The following ORC1 variants were observed in gnomAD, a reference collection of about 807,000 sequenced individuals.
The protein encoded by ORC1 is origin recognition complex subunit 1, also known as origin recognition complex, subunit 1 homolog.
Under a neutral mutation model 98.9 loss-of-function variants are expected in ORC1, and 61 were observed. The ratio of observed to expected loss-of-function variants is 0.62; its 90% CI spans 0.50 to 0.76. ORC1 has a LOEUF of 0.76. Ranked by LOEUF, ORC1 falls within the 30% of genes least tolerant of loss-of-function variation. The pLI, the probability that ORC1 is intolerant of heterozygous loss-of-function variation, is 0.00. For synonymous variants in ORC1, 385 were observed against 406.9 expected, an observed-to-expected ratio of 0.95 and a Z score of 0.65; for missense variants, 979 against 1,072.2, an observed-to-expected ratio of 0.91 and a Z score of 1.21.
At chr1:52,395,326 C>T (rs931272821) in intron 5 of ORC1, among the ~76,000 whole-genome samples, 13 of 151,748 alleles carry the variant, frequency 8.6e-5, no homozygotes, top group Non-Finnish European at 1.3e-4. Flanking sequence ...TTTTCCAAAA[C>T]GAAACATAGG....
chr1:52,385,288 A>G (rs1172252374), intron 9 of ORC1, 26 bp from the exon 10 acceptor site: 1 of 1,444,260 alleles, frequency 6.9e-7, no homozygotes. Flanking sequence ...AACGGGAGAA[A>G]AGGAAGACTT....
intron 6 of ORC1, among the ~76,000 whole-genome samples, chr1:52,391,648 C>T (rs1569938938): frequency 6.6e-6 from 1 of 152,112 alleles, no homozygotes; most frequent in African/African-American, 2.4e-5. Flanking sequence ...CCTATAATCC[C>T]AGCACTCTGG....
At chr1:52,382,079 C>T (rs866141797) in intron 13 of ORC1, among the ~76,000 whole-genome samples, 26 of 151,680 alleles carry the variant, frequency 1.7e-4, no homozygotes, top group Middle Eastern at 3.2e-3. Context: ...CCTGGGTTCA[C>T]GTCATTCTCC....
Position 52,373,372 on chromosome 1 carries a change from AT to A in ORC1, c.2394del (p.Tyr799IlefsTer60), listed in dbSNP as rs1646959121. 1.9e-6 allele frequency: 3 copies of A among 1,613,316 alleles called. No individual in the cohort carries two copies. The South Asian group carries it at 3.3e-5, about 18-fold the overall frequency. Reference protein sequence around the residue: ...SGLEEATFQQIYSQHVALCRM... With the variant: ...SGLEEATFQQXYSQHVALCRM... The stretch of plus-strand genomic sequence containing the variant: ...CTGCACAGTGCCACATGTTGACTAT[AT>A]ATCTAGACACAAATAGCAAGGCAAA... On this transcript the variant is annotated frameshift_variant and splice_region_variant, in exon 17 of 17. Transcript: ENST00000371568. LOFTEE classifies it high-confidence loss of function.
At position 52,396,072 on chromosome 1, in the gene ORC1, C is replaced by G; in HGVS notation, c.695G>C (p.Arg232Thr). 1 of 1,614,166 alleles carries G rather than the reference C, an allele frequency of 6.2e-7. No homozygotes were observed. The highest frequency in any genetic ancestry group is 8.5e-7 in the Non-Finnish European group (1 of 1,180,036). ...RQTPTHPLTPRARKRLELGNL... is the reference protein window; with the variant it reads ...RQTPTHPLTPTARKRLELGNL... ...GCCAAGCTCCAGCCTCTTTCTGGCT[C>G]TTGGGGTAAGAGGATGGGTAGGAGT... Residue 232 changes from arginine (R) to threonine (T), a missense_variant, in exon 5 of 17, where the codon AGA becomes ACA. By Grantham distance (71) the Arg-to-Thr change is moderately conservative. Coordinates refer to ENST00000371568, the MANE Select transcript of ORC1 (RefSeq NM_004153.4).
chr1:52,397,911 A>C (rs1264809263), intron 3 of ORC1, 48 bp from the exon 4 acceptor site: 3 of 1,530,394 alleles, frequency 2.0e-6, no homozygotes, highest in Middle Eastern at 1.7e-4. Flanking sequence ...ACTCAAGGAC[A>C]CTTTACTGAG....
chr1:52,381,603 G>C lies in ORC1; in HGVS notation c.2133+39C>G, dbSNP rs777624108. The stretch of plus-strand genomic sequence containing the variant: ...TCATACCCAGCAGGTACTCAGCAAA[G>C]ATGTGCTGACTGATTTATGGGTGCA... On this transcript the variant is annotated intron_variant, in intron 14 of 16. Coordinates refer to ENST00000371568, the MANE Select transcript of ORC1 (RefSeq NM_004153.4). The C allele has an allele frequency of 2.0e-5, 32 of 1,607,166 alleles. No individual in the cohort carries two copies. In the South Asian group the frequency reaches 3.3e-4, roughly 17 times the overall value.
chr1:52,374,094 T>C (rs890708701), intron 16 of ORC1, among the ~76,000 whole-genome samples: 4 of 152,200 alleles, frequency 2.6e-5, no homozygotes, highest in African/African-American at 9.7e-5. Flanking sequence ...TCACAGTTAA[T>C]GGCACACTGC....
chr1:52,408,548 T>A (rs776322134), upstream of ORC1: 4 of 1,614,012 alleles, frequency 2.5e-6, no homozygotes, highest in Non-Finnish European at 1.7e-6. Flanking sequence ...GCCTGTTGTT[T>A]CACTGTCATC....
intron 9 of ORC1, 62 bp downstream of exon 9, chr1:52,385,790 T>C: frequency 1.8e-6 from 2 of 1,095,956 alleles, no homozygotes; most frequent in South Asian, 1.3e-5. Context: ...TAATTTTATG[T>C]GAATGAAAGC....
rs1557577720 is a variant in ORC1, at chr1:52,388,613, G to A, written c.1212C>T (p.Asp404=). Residue 404 remains aspartate, a synonymous_variant, in exon 8 of 17, where the codon GAC becomes GAT. Coordinates refer to ENST00000371568, the MANE Select transcript of ORC1 (RefSeq NM_004153.4). ...CTGGCAGAATCTCTTTCTCTTCTTG[G>A]TCACTTTTACTATTACCTAGAAACC... is the stretch of plus-strand genomic sequence containing the variant. ...QLRFLGNSKS[D]QEEKEILPAA... is the part of the protein sequence containing the mutation. 6.2e-7 allele frequency: 1 copy of A among 1,613,868 alleles called. No individual in the cohort carries two copies. The highest frequency in any genetic ancestry group is 8.5e-7 in the Non-Finnish European group (1 of 1,179,978).
At chr1:52,408,530 C>G (rs184307430), upstream of ORC1, 889 of 1,613,458 alleles carry the variant, frequency 5.5e-4, 2 homozygotes, top group Middle Eastern at 6.4e-3. Flanking sequence ...TCAGGAACTT[C>G]TAGGATGGCC....
Position 52,388,493 on chromosome 1 carries a change from T to G in ORC1, c.1332A>C (p.Arg444=). The part of the protein sequence containing the change: ...RAPRTVSRNL[R]SSLKSSLHTL... ...TATGTAAGGATGACTTCAAGGAAGA[T>G]CGCAGGTTCCTGGACACAGTTCTGG... The change falls in exon 8 of 17, where the codon CGA becomes CGC. Residue 444 remains arginine, a synonymous_variant. Coordinates refer to ENST00000371568, the MANE Select transcript of ORC1 (RefSeq NM_004153.4). The G allele has an allele frequency of 1.2e-6, 2 of 1,614,164 alleles. No homozygotes were observed. The highest frequency in any genetic ancestry group is 1.1e-5 in the South Asian group (1 of 91,080).
chr1:52,387,141 C>T (rs1214861554), intron 8 of ORC1, among the ~76,000 whole-genome samples: 2 of 152,116 alleles, frequency 1.3e-5, no homozygotes, highest in African/African-American at 4.8e-5. Flanking sequence ...AACCAGAGGC[C>T]TGTTAGGAAC....
At position 52,385,969 on chromosome 1, in the gene ORC1, C is replaced by T. The variant is rs1368047253; in HGVS notation, c.1384-20G>A. ...CTTGAGCTGTATTGAAAACAAAGAA[C>T]ATATTTCACAAGGAAAAAGCAAAAC... On this transcript the variant is annotated intron_variant, in intron 8 of 16. Transcript: ENST00000371568. 6.3e-7 allele frequency: 1 copy of T among 1,590,876 alleles called. No individual in the cohort carries two copies. The highest frequency in any genetic ancestry group is 8.6e-7 in the Non-Finnish European group (1 of 1,160,656).
chr1:52,408,286 C>T, upstream of ORC1: 1 of 521,214 alleles, frequency 1.9e-6, no homozygotes, highest in Admixed American at 2.5e-5. Context: ...TTAGAGTAAT[C>T]CTGTGAGGTA....
Position 52,393,770 on chromosome 1 carries a change from G to A in ORC1, c.755C>T (p.Ser252Leu), listed in dbSNP as rs1647281362. 13 of 1,613,698 alleles carry A rather than the reference G, an allele frequency of 8.1e-6. No homozygotes were observed. The highest frequency in any genetic ancestry group is 1.1e-5 in the Non-Finnish European group (13 of 1,180,000). ...LGNPQMSQQT[S>L]CASLDSPGRI... The stretch of plus-strand genomic sequence containing the variant: ...TCCTGGAGAATCCAAGGAGGCACAT[G>A]AAGTCTGCTGGGACATCTGAGGGTT... Residue 252 changes from serine to leucine, a missense_variant, in exon 6 of 17, where the codon TCA becomes TTA. By Grantham distance (145) the Ser-to-Leu change is moderately radical (BLOSUM62 -2). Coordinates refer to ENST00000371568, the MANE Select transcript of ORC1 (RefSeq NM_004153.4).
At chr1:52,395,980 T>C in intron 5 of ORC1, 66 bp downstream of exon 5, 3 of 1,606,084 alleles carry the variant, frequency 1.9e-6, no homozygotes, top group Non-Finnish European at 2.6e-6. Context: ...TTCCCATAAA[T>C]TATCATTTTT....
intron 14 of ORC1, among the ~76,000 whole-genome samples, chr1:52,380,795 C>T (rs371692711): frequency 1.3e-5 from 2 of 151,854 alleles, no homozygotes; most frequent in East Asian, 3.9e-4. Context: ...AAGTGAAAAA[C>T]TCTACCCATA....
Sources: gnomAD v4.1 joint callset for allele counts (sites outside exome capture counted in the v4.1 genomes callset) on GRCh38, gnomAD v4.1.1 for gene constraint, MANE v1.5 for transcripts, NCBI Gene and HGNC (gene_info 2026-07-23, HGNC 2026-07-21) for gene names.